Variants in FBXL7 observed in about 807,000 individuals in gnomAD.
FBXL7 encodes the protein F-box/LRR-repeat protein 7.
In FBXL7, 12 loss-of-function variants were observed where a neutral mutation model predicts 38.3. That is an observed-to-expected ratio of 0.31 (90% CI 0.20 to 0.51). The LOEUF (loss-of-function observed/expected upper bound fraction) is 0.51. Among genes scored for constraint, FBXL7 ranks in the 20% least tolerant of loss-of-function variants. The pLI is 0.98. For missense variants in FBXL7, 567 were observed against 676.4 expected (o/e 0.84, Z 1.79); for synonymous variants, 297 against 300.9 (o/e 0.99, Z 0.13).
At chr5:15,831,265 G>A (rs940876384) in intron 2 of FBXL7, among the ~76,000 whole-genome samples, 1 of 152,170 alleles carries the variant, frequency 6.6e-6, no homozygotes, top group African/African-American at 2.4e-5. Flanking sequence ...GAGTAGACAA[G>A]GCATTTTTCA....
intron 2 of FBXL7, among the ~76,000 whole-genome samples, chr5:15,916,139 A>C (rs1035098778): frequency 1.3e-5 from 2 of 152,194 alleles, no homozygotes; most frequent in Non-Finnish European, 2.9e-5. Flanking sequence ...TGGGGAGAGG[A>C]CTAGTTGTCC....
chr5:15,743,304 T>C (rs939535882), intron 2 of FBXL7, among the ~76,000 whole-genome samples: 18 of 152,162 alleles, frequency 1.2e-4, no homozygotes, highest in African/African-American at 3.6e-4. Context: ...CTAGATACAA[T>C]AGGGGTGCAG....
intron 2 of FBXL7, among the ~76,000 whole-genome samples, chr5:15,769,403 G>A (rs1736672628): frequency 6.6e-6 from 1 of 152,152 alleles, no homozygotes; most frequent in Non-Finnish European, 1.5e-5. Context: ...CCCAGGATGA[G>A]ATGGAGAAAT....
intron 2 of FBXL7, among the ~76,000 whole-genome samples, chr5:15,816,101 C>T (rs963261624): frequency 1.3e-5 from 2 of 151,720 alleles, no homozygotes; most frequent in South Asian, 2.1e-4. Flanking sequence ...GAAAGTACTC[C>T]GAAATTAACT....
chr5:15,530,908 T>G (rs1347401332), intron 1 of FBXL7, among the ~76,000 whole-genome samples: 1 of 152,208 alleles, frequency 6.6e-6, no homozygotes, highest in Non-Finnish European at 1.5e-5. Flanking sequence ...GATCTTAGCT[T>G]CTTAGATTGC....
At position 15,864,024 on chromosome 5, in the gene FBXL7, A is replaced by C. The variant is rs191702845; in HGVS notation, c.128-63866A>C. ...GACTGTGATGTGCTAAGAATGGATG[A>C]AAATAAGATTATCTGTCAGGTCTCT... On this transcript the variant is annotated intron_variant, in intron 2 of 3. Coordinates refer to ENST00000504595, the MANE Select transcript of FBXL7 (RefSeq NM_012304.5). Among the ~76,000 whole-genome samples, 4 of 152,198 alleles carry C rather than the reference A, an allele frequency of 2.6e-5. No individual in the cohort carries two copies. In the East Asian group the frequency reaches 5.8e-4, roughly 22 times the overall value.
chr5:15,738,818 GA>G (rs1481065484), intron 2 of FBXL7, among the ~76,000 whole-genome samples: 2 of 152,190 alleles, frequency 1.3e-5, no homozygotes, highest in African/African-American at 2.4e-5. Flanking sequence ...ATTCTGTAGG[GA>G]AAGAAGACAA....
At chr5:15,538,814 C>T (rs1316412118) in intron 1 of FBXL7, among the ~76,000 whole-genome samples, 2 of 152,024 alleles carry the variant, frequency 1.3e-5, no homozygotes, top group Admixed American at 1.3e-4. Context: ...CCAGCCAAAA[C>T]GTGGGAGAAA....
In FBXL7 at chr5:15,861,696, T is replaced by G. The variant is rs564153514; in HGVS notation, c.128-66194T>G. On this transcript the variant is annotated intron_variant, in intron 2 of 3. Transcript: ENST00000504595. ...AGAGAGAGCTGGTAGCATAGTCCTA[T>G]TAACATAACCAGCCCTGCTGGTGTC... 9.2e-5 allele frequency among the ~76,000 whole-genome samples: 14 copies of G among 152,306 alleles called. 1 individual carries two copies. The highest frequency in any genetic ancestry group is 3.4e-4 in the African/African-American group (14 of 41,582).
chr5:15,648,086 G>A (rs1741591724), intron 2 of FBXL7, among the ~76,000 whole-genome samples: 1 of 152,210 alleles, frequency 6.6e-6, no homozygotes, highest in Non-Finnish European at 1.5e-5. Flanking sequence ...ACATGAGGTG[G>A]ATAGAATGAA....
intron 1 of FBXL7, among the ~76,000 whole-genome samples, chr5:15,556,048 A>AC (rs1738227966): frequency 6.6e-6 from 1 of 150,910 alleles, no homozygotes; most frequent in Admixed American, 6.6e-5. Context: ...CTTATCATCT[A>AC]TTATCTATCA....
chr5:15,712,462 T>A (rs1743906641), intron 2 of FBXL7, among the ~76,000 whole-genome samples: 1 of 151,974 alleles, frequency 6.6e-6, no homozygotes, highest in South Asian at 2.1e-4. Context: ...TGCACAGAAG[T>A]AGCCCTAAAA....
At chr5:15,858,223 TAAC>T (rs1739329331) in intron 2 of FBXL7, among the ~76,000 whole-genome samples, 1 of 149,346 alleles carries the variant, frequency 6.7e-6, no homozygotes, top group African/African-American at 2.4e-5. Context: ...ATAATATATA[TAAC>T]ATATGCATAT....
chr5:15,827,166 G>A (rs1415165803), intron 2 of FBXL7, among the ~76,000 whole-genome samples: 1 of 152,054 alleles, frequency 6.6e-6, no homozygotes, highest in African/African-American at 2.4e-5. Flanking sequence ...CCTTTGTGTA[G>A]ATTCTGCCTG....
chr5:15,752,862 G>A (rs1166172076), intron 2 of FBXL7, among the ~76,000 whole-genome samples: 1 of 152,210 alleles, frequency 6.6e-6, no homozygotes, highest in Non-Finnish European at 1.5e-5. Flanking sequence ...TTGGCGAACT[G>A]TAAACTACTT....
At chr5:15,703,822 A>G (rs1441678866) in intron 2 of FBXL7, among the ~76,000 whole-genome samples, 1 of 152,208 alleles carries the variant, frequency 6.6e-6, no homozygotes, top group Non-Finnish European at 1.5e-5. Context: ...AGTAATAATG[A>G]CCTTACTTTA....
At chr5:15,838,261 G>A (rs867276126) in intron 2 of FBXL7, among the ~76,000 whole-genome samples, 4 of 152,294 alleles carry the variant, frequency 2.6e-5, no homozygotes, top group Middle Eastern at 6.8e-3. Flanking sequence ...ACATTGTACA[G>A]TTCTAGAGGC....
At chr5:15,815,919 C>T (rs190731065) in intron 2 of FBXL7, among the ~76,000 whole-genome samples, 9 of 152,236 alleles carry the variant, frequency 5.9e-5, no homozygotes, top group Admixed American at 3.3e-4. Context: ...ATATGTGAAA[C>T]GTGCTGCAGC....
rs568346560 is a variant in FBXL7 at position 15,672,278 on chromosome 5, G to C, written c.127+56206G>C. Among the ~76,000 whole-genome samples the C allele has an allele frequency of 1.4e-4, 22 of 152,298 alleles. No individual in the cohort carries two copies. The East Asian group carries it at 3.7e-3, about 25-fold the overall frequency. On this transcript the variant is annotated intron_variant, in intron 2 of 3. Transcript: ENST00000504595. Reference sequence around the variant, plus strand: ...GGATTTCTTCCAGGAACATTAGCAAGTAATGTCTTTAATGTCTTTAAACTA... The same window carrying C: ...GGATTTCTTCCAGGAACATTAGCAACTAATGTCTTTAATGTCTTTAAACTA...
Sources: allele counts gnomAD v4.1 joint callset (sites outside exome capture counted in the v4.1 genomes callset), GRCh38; gene constraint gnomAD v4.1.1; transcripts MANE v1.5; gene names NCBI Gene and HGNC (gene_info 2026-07-23, HGNC 2026-07-21).